ADAM2: variants seen among roughly 807,000 people sequenced by gnomAD.
ADAM2 encodes the protein ADAM metallopeptidase domain 2, also known as disintegrin and metalloproteinase domain-containing protein 2.
In ADAM2, 101 loss-of-function variants were observed where a neutral mutation model predicts 99.3. That is an observed-to-expected ratio of 1.02 (90% CI 0.87 to 1.20). The LOEUF (loss-of-function observed/expected upper bound fraction) is 1.20, where lower values mean the gene tolerates loss of function less well. Ranked by LOEUF, ADAM2 falls within the 50% of genes most tolerant of loss-of-function variation. The pLI is 0.00. For missense variants in ADAM2, 948 were observed against 878.7 expected (o/e 1.08, Z -1.00); for synonymous variants, 323 against 287.6 (o/e 1.12, Z -1.25).
chr8:39,761,857 G>A (rs1366743354), intron 14 of ADAM2, among the ~76,000 whole-genome samples: 3 of 152,122 alleles, frequency 2.0e-5, no homozygotes, highest in Non-Finnish European at 2.9e-5. Context: ...CGAGGCGGGC[G>A]GATCACGAGT....
chr8:39,830,405 A>G (rs1343614700), intron 3 of ADAM2, among the ~76,000 whole-genome samples: 1 of 152,182 alleles, frequency 6.6e-6, no homozygotes, highest in Non-Finnish European at 1.5e-5. Flanking sequence ...CATACTGTTT[A>G]TGGCTGCTTT....
intron 10 of ADAM2, among the ~76,000 whole-genome samples, chr8:39,778,440 A>G (rs1236881513): frequency 2.0e-5 from 3 of 152,086 alleles, no homozygotes; most frequent in African/African-American, 7.2e-5. Context: ...AAGGATGCTT[A>G]CGTCTCTTTG....
At chr8:39,751,411 G>A (rs181515166) in intron 16 of ADAM2, among the ~76,000 whole-genome samples, 1 of 152,304 alleles carries the variant, frequency 6.6e-6, no homozygotes, top group Admixed American at 6.5e-5. Flanking sequence ...CAAAAGTTGA[G>A]GAAGGGTTGT....
At chr8:39,794,700 C>G (rs1014362463) in intron 7 of ADAM2, among the ~76,000 whole-genome samples, 1 of 152,032 alleles carries the variant, frequency 6.6e-6, no homozygotes, top group Non-Finnish European at 1.5e-5. Context: ...GTCACATACC[C>G]CCTGCTTGCT....
chr8:39,814,324 A>C (rs1804842261), intron 6 of ADAM2, among the ~76,000 whole-genome samples: 1 of 151,432 alleles, frequency 6.6e-6, no homozygotes, highest in African/African-American at 2.4e-5. Flanking sequence ...ACACCACTGC[A>C]CTCCAGTCTG....
At chr8:39,826,498 T>G (rs903687331) in intron 3 of ADAM2, among the ~76,000 whole-genome samples, 1 of 151,434 alleles carries the variant, frequency 6.6e-6, no homozygotes, top group Non-Finnish European at 1.5e-5. Flanking sequence ...CCGAGGCGGG[T>G]AGATCACGAG....
intron 3 of ADAM2, 31 bp downstream of exon 3, chr8:39,833,913 G>A: frequency 8.6e-7 from 1 of 1,164,678 alleles, no homozygotes; most frequent in East Asian, 2.3e-5. Flanking sequence ...GTAGAACAAA[G>A]AGAATTGATA....
intron 7 of ADAM2, among the ~76,000 whole-genome samples, chr8:39,806,576 T>C (rs1804452210): frequency 6.6e-6 from 1 of 150,634 alleles, no homozygotes; most frequent in Non-Finnish European, 1.5e-5. Context: ...GTTCTAGTGT[T>C]TTATTAGAGG....
At chr8:39,799,491 T>A (rs184877752) in intron 7 of ADAM2, among the ~76,000 whole-genome samples, 325 of 152,336 alleles carry the variant, frequency 2.1e-3, no homozygotes, top group Non-Finnish European at 2.8e-3. Context: ...CATGTGGCAC[T>A]GCAAAGAATG....
chr8:39,753,414 G>T (rs578061121), intron 16 of ADAM2, among the ~76,000 whole-genome samples: 1 of 150,904 alleles, frequency 6.6e-6, no homozygotes, highest in Admixed American at 6.6e-5. Context: ...TTTGCAGCCT[G>T]ATGATGCAAT....
chr8:39,749,221 T>C (rs539124543), intron 18 of ADAM2, 91 bp downstream of exon 18: 2 of 1,183,892 alleles, frequency 1.7e-6, no homozygotes, highest in East Asian at 2.6e-5. Context: ...ATAGTCTAGA[T>C]ATAAATTGGT....
intron 7 of ADAM2, among the ~76,000 whole-genome samples, chr8:39,796,803 C>A (rs774894283): frequency 6.6e-6 from 1 of 151,970 alleles, no homozygotes; most frequent in Non-Finnish European, 1.5e-5. Flanking sequence ...TGATGTGGAG[C>A]TTTTTTTTCC....
intron 6 of ADAM2, among the ~76,000 whole-genome samples, chr8:39,816,490 A>T (rs910503747): frequency 1.3e-5 from 2 of 152,182 alleles, no homozygotes; most frequent in Non-Finnish European, 2.9e-5. Context: ...ACATATATCC[A>T]CATAAAACAT....
intron 7 of ADAM2, among the ~76,000 whole-genome samples, chr8:39,791,406 G>T (rs1292314669): frequency 6.6e-6 from 1 of 152,062 alleles, no homozygotes; most frequent in Non-Finnish European, 1.5e-5. Flanking sequence ...CCTGGTTCAT[G>T]AATTGTATTG....
At chr8:39,812,094 A>G (rs1295299929) in intron 6 of ADAM2, among the ~76,000 whole-genome samples, 1 of 152,234 alleles carries the variant, frequency 6.6e-6, no homozygotes, top group East Asian at 1.9e-4. Context: ...AGGATACAAA[A>G]TCAATGTGCA....
intron 7 of ADAM2, among the ~76,000 whole-genome samples, chr8:39,798,153 C>T (rs1336870090): frequency 6.6e-6 from 1 of 152,028 alleles, no homozygotes; most frequent in Non-Finnish European, 1.5e-5. Context: ...TTTGCCCATT[C>T]AGTATGATAT....
At chr8:39,773,124 G>T (rs932666102) in intron 11 of ADAM2, among the ~76,000 whole-genome samples, 3 of 151,766 alleles carry the variant, frequency 2.0e-5, no homozygotes, top group Non-Finnish European at 4.4e-5. Context: ...TATTAAATCA[G>T]ATAACAAAAA....
chr8:39,776,993 T>C (rs980712004), intron 11 of ADAM2, 32 bp downstream of exon 11: 9 of 1,291,060 alleles, frequency 7.0e-6, no homozygotes, highest in Non-Finnish European at 1.0e-5. Context: ...CATTAAACTA[T>C]ATATGTAAAG....
chr8:39,755,988 A>G, intron 15 of ADAM2, 77 bp from the exon 16 acceptor site: 2 of 822,506 alleles, frequency 2.4e-6, no homozygotes, highest in African/African-American at 1.8e-5. Context: ...AAATAGATAG[A>G]TTTAAATAAA....
Sources: gnomAD v4.1 joint callset for allele counts (sites outside exome capture counted in the v4.1 genomes callset) on GRCh38, gnomAD v4.1.1 for gene constraint, MANE v1.5 for transcripts, NCBI Gene and HGNC (gene_info 2026-07-23, HGNC 2026-07-21) for gene names.